Variants in KCNQ1 observed in about 807,000 individuals in gnomAD.
The protein encoded by KCNQ1 is potassium voltage-gated channel subfamily KQT member 1.
KCNQ1 carries 49 observed loss-of-function variants against 72.4 expected under a neutral mutation model. The ratio of observed to expected loss-of-function variants is 0.68; its 90% CI spans 0.54 to 0.86. The LOEUF (loss-of-function observed/expected upper bound fraction) is 0.86. Ranked by LOEUF, KCNQ1 falls within the 40% of genes least tolerant of loss-of-function variation. KCNQ1 has a pLI of 0.00. For synonymous variants in KCNQ1, 450 were observed against 412.6 expected (o/e 1.09, Z -1.10); for missense variants, 790 against 945.1 (o/e 0.84, Z 2.15).
At chr11:2,802,190 C>T (rs1459172793) in intron 15 of KCNQ1, among the ~76,000 whole-genome samples, 1 of 152,228 alleles carries the variant, frequency 6.6e-6, no homozygotes, top group East Asian at 1.9e-4. Flanking sequence ...CAGCTTCAGC[C>T]ACACCCGCCT....
Position 2,481,924 on chromosome 11 carries a change from T to C in KCNQ1, c.386+36440T>C, listed in dbSNP as rs556909522. 6.6e-6 allele frequency among the ~76,000 whole-genome samples: 1 copy of C among 152,234 alleles called. No individual in the cohort carries two copies. Among genetic ancestry groups the C allele is most frequent in the Non-Finnish European group, 1.5e-5 (1 of 68,038 alleles). On this transcript the variant is annotated intron_variant, in intron 1 of 15. Transcript: ENST00000155840. The surrounding 1 kb of genome is among the most constrained non-coding windows in gnomAD (Gnocchi z 4.6). The stretch of plus-strand genomic sequence containing the variant: ...AAAGTGCCCAATGCAAGTAATGTGC[T>C]TGAATCATCCCAGAACCACCCACAC...
chr11:2,505,637 G>T (rs1252634148), intron 1 of KCNQ1, among the ~76,000 whole-genome samples: 1 of 152,136 alleles, frequency 6.6e-6, no homozygotes, highest in African/African-American at 2.4e-5. Flanking sequence ...TGTGTCTTTT[G>T]ATCGTTAGCT....
chr11:2,743,782 C>T (rs1325633790), intron 11 of KCNQ1, among the ~76,000 whole-genome samples: 1 of 152,264 alleles, frequency 6.6e-6, no homozygotes, highest in Admixed American at 6.5e-5. Context: ...GGAGTTGCCC[C>T]CAGCAATGAC....
Position 2,446,289 on chromosome 11 carries a change from TG to T in KCNQ1, c.386+809del, listed in dbSNP as rs889144049. On this transcript the variant is annotated intron_variant, in intron 1 of 15. Coordinates refer to ENST00000155840, the MANE Select transcript of KCNQ1 (RefSeq NM_000218.3). The surrounding 1 kb of genome is among the most constrained non-coding windows in gnomAD (Gnocchi z 8.8). The stretch of plus-strand genomic sequence containing the variant: ...CAGGCTGCTCTCCTCCATGCCTGCC[TG>T]GGGCCTTCCCCCGCTGCCCCAGTGG... Among the ~76,000 whole-genome samples the T allele has an allele frequency of 4.6e-5, 7 of 152,288 alleles. No homozygotes were observed. The highest frequency in any genetic ancestry group is 1.4e-4 in the African/African-American group (6 of 41,582).
chr11:2,838,988 G>A lies in KCNQ1; in HGVS notation c.1795-8779G>A, dbSNP rs533428712. 9.3e-5 allele frequency among the ~76,000 whole-genome samples: 14 copies of A among 151,328 alleles called. No individual in the cohort carries two copies. The South Asian group carries it at 1.0e-3, about 11-fold the overall frequency. On this transcript the variant is annotated intron_variant, in intron 15 of 15. Transcript: ENST00000155840. The stretch of plus-strand genomic sequence containing the variant: ...GCCCCCAAACAGAGGCCGATGGGAC[G>A]AGCCCTGCCCGGGGTTGCACTAGGT...
intron 10 of KCNQ1, chr11:2,628,027 C>G: frequency 1.0e-5 from 4 of 398,672 alleles, no homozygotes; most frequent in Admixed American, 4.4e-5. Context: ...ACTGGGATTA[C>G]AGGTACAAGC....
Position 2,809,110 on chromosome 11 carries a change from G to A in KCNQ1, c.1794+31073G>A, listed in dbSNP as rs1024165468. ...TGGATGTGTGAGTGAGTAGATGAAT[G>A]AGTGGGCAGACAGACAGACACACCA... On this transcript the variant is annotated intron_variant, in intron 15 of 15. Transcript: ENST00000155840. The surrounding 1 kb of genome is among the most constrained non-coding windows in gnomAD (Gnocchi z 7.1). Among the ~76,000 whole-genome samples the A allele has an allele frequency of 6.6e-6, 1 of 152,134 alleles. No individual in the cohort carries two copies. The highest frequency in any genetic ancestry group is 1.5e-5 in the Non-Finnish European group (1 of 68,030).
At position 2,662,010 on chromosome 11, in the gene KCNQ1, A is replaced by T; in HGVS notation, c.1443A>T (p.Arg481Ser). 1 of 1,614,150 alleles carries T rather than the reference A, an allele frequency of 6.2e-7. No individual in the cohort carries two copies. The highest frequency in any genetic ancestry group is 8.5e-7 in the Non-Finnish European group (1 of 1,180,014). The change falls in exon 11 of 16, where the codon AGA becomes AGT. Residue 481 changes from arginine to serine, a missense_variant. This residue lies in a region of KCNQ1 where 178 missense variants were observed against 177.9 expected (regional missense o/e 1.00). Coordinates refer to ENST00000155840, the MANE Select transcript of KCNQ1 (RefSeq NM_000218.3). ...LLEVSMPHFM[R>S]TNSFAEDLDL... is the part of the protein sequence containing the mutation. ...AAGTGAGCATGCCCCATTTCATGAGAACCAACAGCTTCGCCGAGGACCTGG... is the reference window on the plus strand; with the variant it reads ...AAGTGAGCATGCCCCATTTCATGAGTACCAACAGCTTCGCCGAGGACCTGG...
chr11:2,630,297 T>A (rs897171164), intron 10 of KCNQ1: 2 of 398,220 alleles, frequency 5.0e-6, no homozygotes, highest in Non-Finnish European at 4.4e-6. Flanking sequence ...TAATGTGCTG[T>A]TAAATTCAGT....
intron 10 of KCNQ1, chr11:2,625,095 C>A (rs1359629782): frequency 5.0e-6 from 2 of 398,560 alleles, no homozygotes; most frequent in Non-Finnish European, 8.8e-6. Flanking sequence ...TGGGTGTATA[C>A]ACAGAGGTGG....
At chr11:2,540,357 G>T (rs77558275) in intron 2 of KCNQ1, among the ~76,000 whole-genome samples, 7 of 152,372 alleles carry the variant, frequency 4.6e-5, no homozygotes, top group South Asian at 4.1e-4. Flanking sequence ...TTGCAGGTTG[G>T]GGGGACAGGG....
chr11:2,585,135 C>A, intron 7 of KCNQ1, 77 bp from the exon 8 acceptor site: 1 of 1,315,942 alleles, frequency 7.6e-7, no homozygotes, highest in Non-Finnish European at 1.1e-6. Context: ...CAACGGTGAC[C>A]GGTAACCACG....
intron 11 of KCNQ1, 160 bp downstream of exon 11, chr11:2,662,241 G>A: frequency 1.1e-6 from 1 of 890,328 alleles, no homozygotes; most frequent in South Asian, 1.6e-5. Flanking sequence ...GAGGCACCAG[G>A]CAAGAGAGGA....
chr11:2,695,915 G>T lies in KCNQ1; in HGVS notation c.1514+33834G>T. ...CTTCCTACCTTTTTCTTAATGATTT[G>T]TGGTGCTTTCTGGTATATTTTAGCT... On this transcript the variant is annotated intron_variant, in intron 11 of 15. Coordinates refer to ENST00000155840, the MANE Select transcript of KCNQ1 (RefSeq NM_000218.3). The surrounding 1 kb of genome is among the most constrained non-coding windows in gnomAD (Gnocchi z 5.2). The T allele has an allele frequency of 2.5e-6, 1 of 398,530 alleles. No individual in the cohort carries two copies. The highest frequency in any genetic ancestry group is 4.4e-6 in the Non-Finnish European group (1 of 226,052). The allele number at this position is 398,530 out of a possible 1,614,324, so 24.7% of individuals were successfully genotyped here.
intron 11 of KCNQ1, among the ~76,000 whole-genome samples, chr11:2,733,884 C>T (rs777357682): frequency 7.3e-6 from 1 of 137,806 alleles, no homozygotes; most frequent in Non-Finnish European, 1.6e-5. Flanking sequence ...CCTTCGCGCC[C>T]GCTGTTCCCC....
rs1320279839 is a variant in KCNQ1 at position 2,695,370 on chromosome 11, C to T, written c.1514+33289C>T. The T allele has an allele frequency of 1.3e-5, 5 of 398,482 alleles. No individual in the cohort carries two copies. The highest frequency in any genetic ancestry group is 1.3e-3 in the Middle Eastern group (2 of 1,588). 24.7% of individuals were successfully genotyped at this position (398,482 alleles called of 1,614,324 possible). A position where few individuals can be genotyped will look rare whatever the true frequency, so the allele number is the denominator to read the frequency against. ...CACTCACGAGCACTCCCTAGTACTG[C>T]GTGTCTGGGTGGTGTGTAATTTTAA... On this transcript the variant is annotated intron_variant, in intron 11 of 15. Transcript: ENST00000155840. This position sits in a 1 kb window ranked among gnomAD's most constrained non-coding sequence, Gnocchi z 5.2.
At chr11:2,521,213 C>T (rs2133635899) in intron 1 of KCNQ1, among the ~76,000 whole-genome samples, 1 of 152,244 alleles carries the variant, frequency 6.6e-6, no homozygotes, top group East Asian at 1.9e-4. Context: ...CCCATGAAAT[C>T]CCACTCCCTC....
Position 2,690,047 on chromosome 11 carries a change from C to G in KCNQ1, c.1514+27966C>G, listed in dbSNP as rs1590034576. The stretch of plus-strand genomic sequence containing the variant: ...CCGAGGGCCAGCCCTGCCTCTCCTC[C>G]CCTCTCCTAGCCTGCTTCTGTCTGG... On this transcript the variant is annotated intron_variant, in intron 11 of 15. Transcript: ENST00000155840. This position sits in a 1 kb window ranked among gnomAD's most constrained non-coding sequence, Gnocchi z 5.1. 2.3e-5 allele frequency: 9 copies of G among 399,024 alleles called. No homozygotes were observed. In the East Asian group the frequency reaches 3.2e-4, roughly 14 times the overall value. 24.7% of individuals were successfully genotyped at this position (399,024 alleles called of 1,614,324 possible).
chr11:2,465,329 C>A (rs1846336483), intron 1 of KCNQ1, among the ~76,000 whole-genome samples: 1 of 152,172 alleles, frequency 6.6e-6, no homozygotes, highest in Non-Finnish European at 1.5e-5. Flanking sequence ...GCCCTGAGGC[C>A]CTGGCTGCAG....
Sources: allele counts gnomAD v4.1 joint callset (sites outside exome capture counted in the v4.1 genomes callset), GRCh38; gene constraint gnomAD v4.1.1; regional missense constraint gnomAD v4.1.1; non-coding constraint Gnocchi (gnomAD v3.1); transcripts MANE v1.5; gene names NCBI Gene and HGNC (gene_info 2026-07-23, HGNC 2026-07-21).